The following PLEKHM3 variants were observed in gnomAD, a reference collection of about 807,000 sequenced individuals.
PLEKHM3 encodes pleckstrin homology domain-containing family M member 3.
A neutral mutation model predicts 81.8 loss-of-function variants in PLEKHM3; 45 were observed. That is an observed-to-expected ratio of 0.55 (90% CI 0.43 to 0.71). The LOEUF (loss-of-function observed/expected upper bound fraction) is 0.71. Among genes scored for constraint, PLEKHM3 ranks in the 30% least tolerant of loss-of-function variants. The pLI is 0.00. For synonymous variants in PLEKHM3, 352 were observed against 356.4 expected (o/e 0.99, Z 0.14); for missense variants, 788 against 924.3 (o/e 0.85, Z 1.91).
intron 2 of PLEKHM3, among the ~76,000 whole-genome samples, chr2:207,981,129 AAAAAAAAAAAAAG>A (rs1472431373): frequency 1.4e-5 from 2 of 147,372 alleles, no homozygotes; most frequent in African/African-American, 2.5e-5. Context: ...CTCCATCTCA[AAAAAAAAAAAAAG>A]AAAAAAAGAA....
At position 207,824,811 on chromosome 2, in the gene PLEKHM3, A is replaced by C. The variant is rs2092239429; in HGVS notation, c.*3508T>G. The C allele has an allele frequency of 6.6e-6, 1 of 152,210 alleles. No individual in the cohort carries two copies. Among genetic ancestry groups the C allele is most frequent in the Non-Finnish European group, 1.5e-5 (1 of 68,034 alleles). The allele number at this position is 152,210 out of a possible 1,614,324, so 9.4% of individuals were successfully genotyped here. On this transcript the variant is annotated 3_prime_UTR_variant, in exon 8 of 8. Transcript: ENST00000427836. ...GTGTAAACACCTCGGATCTCACTGC[A>C]GCCGGAAGGAAGTCACGGCATAGTC...
At chr2:207,931,219 A>AT (rs1160627562) in intron 4 of PLEKHM3, 100 bp from the exon 5 acceptor site, 2 of 1,133,312 alleles carry the variant, frequency 1.8e-6, no homozygotes, top group Non-Finnish European at 2.5e-6. Flanking sequence ...GAACACGATT[A>AT]TTTTCTCAAT....
In PLEKHM3 at chr2:207,890,496, C is replaced by T. The variant is rs181318964; in HGVS notation, c.1950+18018G>A. Among the ~76,000 whole-genome samples the T allele has an allele frequency of 9.2e-5, 14 of 152,164 alleles. 1 individual carries two copies. The highest frequency in any genetic ancestry group is 2.1e-4 in the South Asian group (1 of 4,810). The stretch of plus-strand genomic sequence containing the variant: ...TACAGAAATTAGCTGGATGTGGTGG[C>T]GTGCACCTGTAGTCCTAGCTACTTG... On this transcript the variant is annotated intron_variant, in intron 6 of 7. Coordinates refer to ENST00000427836, the MANE Select transcript of PLEKHM3 (RefSeq NM_001080475.3).
At chr2:208,021,500 C>A (rs1199824818) in intron 1 of PLEKHM3, among the ~76,000 whole-genome samples, 1 of 152,166 alleles carries the variant, frequency 6.6e-6, no homozygotes, top group Non-Finnish European at 1.5e-5. Flanking sequence ...TAAAAAATCA[C>A]TTTCTGCCAC....
Position 207,908,475 on chromosome 2 carries a change from G to C in PLEKHM3, c.1950+39C>G. ...AAAGTCAACAAAGAGACTTCTCCAG[G>C]AAAGCAACAAAAATGAAACAGCCCC... On this transcript the variant is annotated intron_variant, in intron 6 of 7. Transcript: ENST00000427836. 3 of 1,573,518 alleles carry C rather than the reference G, an allele frequency of 1.9e-6. No homozygotes were observed. In the South Asian group the frequency reaches 3.4e-5, roughly 18 times the overall value.
intron 2 of PLEKHM3, among the ~76,000 whole-genome samples, chr2:207,983,250 G>A (rs1305983795): frequency 6.6e-6 from 1 of 151,188 alleles, no homozygotes; most frequent in African/African-American, 2.4e-5. Flanking sequence ...ACGGGGTTTC[G>A]CCATGTTAAC....
rs766821932 is a variant in PLEKHM3, at chr2:207,886,833, T to C, written c.1950+21681A>G. Among the ~76,000 whole-genome samples the C allele has an allele frequency of 1.3e-5, 2 of 152,230 alleles. 1 individual carries two copies. Among genetic ancestry groups the C allele is most frequent in the Non-Finnish European group, 2.9e-5 (2 of 68,034 alleles). The stretch of plus-strand genomic sequence containing the variant: ...TAATATTGTCTTGGTAGACAATCCA[T>C]GGAATCAGAGGAATCCTCATATAAT... On this transcript the variant is annotated intron_variant, in intron 6 of 7. Transcript: ENST00000427836.
At chr2:207,908,953 G>A (rs1168921484) in intron 5 of PLEKHM3, among the ~76,000 whole-genome samples, 1 of 152,186 alleles carries the variant, frequency 6.6e-6, no homozygotes, top group Non-Finnish European at 1.5e-5. Flanking sequence ...ACAGCAGAAT[G>A]AGGGTGGTTT....
intron 7 of PLEKHM3, among the ~76,000 whole-genome samples, chr2:207,860,676 A>G (rs765807656): frequency 6.6e-6 from 1 of 152,158 alleles, no homozygotes; most frequent in Non-Finnish European, 1.5e-5. Context: ...AGAAAAGCAC[A>G]TGGCCAGGCA....
chr2:207,984,763 A>G (rs1691660128), intron 2 of PLEKHM3, among the ~76,000 whole-genome samples: 1 of 152,230 alleles, frequency 6.6e-6, no homozygotes, highest in African/African-American at 2.4e-5. Flanking sequence ...TTTTAAATCT[A>G]TAACAGTTCT....
chr2:208,001,890 T>C lies in PLEKHM3; in HGVS notation c.-251A>G. The stretch of plus-strand genomic sequence containing the variant: ...CCAAATGTTCCTTTGAGATTATTCT[T>C]CAGTGAGACCTCTGTGAAGACAACA... On this transcript the variant is annotated 5_prime_UTR_variant, in exon 2 of 8. The change abolishes the stop of an existing upstream ORF in the 5' untranslated region. Coordinates refer to ENST00000427836, the MANE Select transcript of PLEKHM3 (RefSeq NM_001080475.3). 2.0e-6 allele frequency: 1 copy of C among 498,430 alleles called. No individual in the cohort carries two copies. The highest frequency in any genetic ancestry group is 1.9e-5 in the African/African-American group (1 of 52,152). The allele number at this position is 498,430 out of a possible 1,614,324, so 30.9% of individuals were successfully genotyped here.
chr2:207,908,461 A>T, intron 6 of PLEKHM3, 53 bp downstream of exon 6: 1 of 1,527,318 alleles, frequency 6.5e-7, no homozygotes, highest in Non-Finnish European at 9.0e-7. Flanking sequence ...AAGTCAACAA[A>T]GAGACTTCTC....
chr2:207,925,815 C>T (rs1397888485), intron 5 of PLEKHM3, among the ~76,000 whole-genome samples: 1 of 152,154 alleles, frequency 6.6e-6, no homozygotes, highest in East Asian at 1.9e-4. Flanking sequence ...CCTTAGGACA[C>T]CCCAACACAT....
chr2:207,966,099 T>C (rs557999224), intron 3 of PLEKHM3, among the ~76,000 whole-genome samples: 1 of 152,378 alleles, frequency 6.6e-6, no homozygotes, highest in African/African-American at 2.4e-5. Context: ...TTTATTTGTC[T>C]GGCTTCCAGT....
At chr2:207,884,348 C>A (rs1199915227) in intron 6 of PLEKHM3, among the ~76,000 whole-genome samples, 1 of 151,788 alleles carries the variant, frequency 6.6e-6, no homozygotes, top group Non-Finnish European at 1.5e-5. Context: ...GGCAATCATG[C>A]AAGAAACAGA....
At chr2:207,876,626 G>A (rs997496517) in intron 6 of PLEKHM3, among the ~76,000 whole-genome samples, 15 of 152,142 alleles carry the variant, frequency 9.9e-5, no homozygotes, top group African/African-American at 3.4e-4. Flanking sequence ...AATACCAGGC[G>A]ATTTAAGGAT....
rs530429918 is a variant in PLEKHM3, at chr2:207,946,190, T to A, written c.1692+177A>T. On this transcript the variant is annotated intron_variant, in intron 4 of 7. Coordinates refer to ENST00000427836, the MANE Select transcript of PLEKHM3 (RefSeq NM_001080475.3). ...ATGAGGAAACTAATAAGAGTCATAGTTAAGAAGCCTTTCAACTGTGAGATA... is the reference window on the plus strand; with the variant it reads ...ATGAGGAAACTAATAAGAGTCATAGATAAGAAGCCTTTCAACTGTGAGATA... Among the ~76,000 whole-genome samples the A allele has an allele frequency of 2.6e-5, 4 of 152,342 alleles. No individual in the cohort carries two copies. In the East Asian group the frequency reaches 7.7e-4, roughly 29 times the overall value.
intron 7 of PLEKHM3, among the ~76,000 whole-genome samples, chr2:207,856,003 TA>T (rs1223143484): frequency 6.6e-6 from 1 of 152,184 alleles, no homozygotes; most frequent in African/African-American, 2.4e-5. Flanking sequence ...AAAATATTAA[TA>T]GGGGAAACTG....
At chr2:207,921,492 T>G (rs1157361047) in intron 5 of PLEKHM3, among the ~76,000 whole-genome samples, 3 of 152,176 alleles carry the variant, frequency 2.0e-5, no homozygotes, top group African/African-American at 7.2e-5. Flanking sequence ...ATCTCAAACA[T>G]TTATCATTTC....
Sources: allele counts gnomAD v4.1 joint callset (sites outside exome capture counted in the v4.1 genomes callset), GRCh38; gene constraint gnomAD v4.1.1; transcripts MANE v1.5; gene names NCBI Gene and HGNC (gene_info 2026-07-23, HGNC 2026-07-21).